Variants in RNF213 observed in about 807,000 individuals in gnomAD.
The protein encoded by RNF213 is E3 ubiquitin-protein ligase RNF213.
Under a neutral mutation model 514.4 loss-of-function variants are expected in RNF213, and 341 were observed. The observed-to-expected ratio is 0.66, with a 90% CI of 0.61 to 0.73. The LOEUF is 0.73. RNF213 is among the 30% of genes least tolerant of loss of function. The pLI, the probability that RNF213 is intolerant of heterozygous loss-of-function variation, is 0.00. For missense variants in RNF213, 5,767 were observed against 6,615.6 expected (o/e 0.87, Z 4.45); for synonymous variants, 2,655 against 2,658.2 (o/e 1.00, Z 0.04).
rs1242262670 is a variant in RNF213 at position 80,325,004 on chromosome 17, T to C, written c.3025-26T>C. 2.0e-6 allele frequency: 3 copies of C among 1,532,466 alleles called. No homozygotes were observed. In the East Asian group the frequency reaches 7.3e-5, roughly 37 times the overall value. The allele number at this position is 1,532,466 out of a possible 1,614,324, so 94.9% of individuals were successfully genotyped here. On this transcript the variant is annotated intron_variant, in intron 17 of 67. Coordinates refer to ENST00000582970, the MANE Select transcript of RNF213 (RefSeq NM_001256071.3). ...CAAACTAATGAAAAACTTCTAAATG[T>C]CCCTCTTTTATTAATTTTCTTGTAG...
chr17:80,385,614 G>C lies in RNF213; in HGVS notation c.14532G>C (p.Glu4844Asp), dbSNP rs777216612. Residue 4844 changes from glutamate (E) to aspartate (D), a missense_variant, in exon 61 of 68, where the codon GAG becomes GAC. Glu to Asp is a conservative substitution (Grantham distance 45). Coordinates refer to ENST00000582970, the MANE Select transcript of RNF213 (RefSeq NM_001256071.3). ...STWNKLRRSL[E>D]TNGEINLPKD... is the part of the protein sequence containing the mutation. Reference sequence around the variant, plus strand: ...GGAACAAACTGAGGAGATCGCTTGAGACGAACGGTTAGTATCCTGTCCCCT... The same window carrying C: ...GGAACAAACTGAGGAGATCGCTTGACACGAACGGTTAGTATCCTGTCCCCT... 1 of 1,614,056 alleles carries C rather than the reference G, an allele frequency of 6.2e-7. No homozygotes were observed. Among genetic ancestry groups the C allele is most frequent in the Non-Finnish European group, 8.5e-7 (1 of 1,179,914 alleles).
chr17:80,342,612 C>T (rs60430048), intron 26 of RNF213, among the ~76,000 whole-genome samples: 12,200 of 146,054 alleles, frequency 0.084, 1,154 homozygotes, highest in African/African-American at 0.24. Flanking sequence ...ATATTCGATA[C>T]ATATTCTATA....
rs776609772 is a variant in RNF213 at position 80,393,629 on chromosome 17, A to G, written c.*131A>G. 1,304 of 1,001,508 alleles carry G rather than the reference A, an allele frequency of 1.3e-3. 2 individuals carry two copies. The highest frequency in any genetic ancestry group is 1.7e-3 in the Non-Finnish European group (1,162 of 668,222). 62.0% of individuals were successfully genotyped at this position (1,001,508 alleles called of 1,614,324 possible). On this transcript the variant is annotated 3_prime_UTR_variant, in exon 68 of 68. Transcript: ENST00000582970. ...GAGCTGTCAGCGTAGCACCGAATTC[A>G]AGACCAAGGCGTGCTACCTGAGCTG...
intron 20 of RNF213, 101 bp downstream of exon 20, chr17:80,328,578 A>G (rs756499607): frequency 2.4e-6 from 3 of 1,270,564 alleles, no homozygotes; most frequent in Non-Finnish European, 3.1e-6. Flanking sequence ...TTTGGAGAGA[A>G]GGCTTTAAAA....
At chr17:80,280,665 C>T (rs1451671424) in intron 3 of RNF213, among the ~76,000 whole-genome samples, 1 of 152,042 alleles carries the variant, frequency 6.6e-6, no homozygotes, top group Non-Finnish European at 1.5e-5. Context: ...GTGTTACCCA[C>T]GCTGGTCTCA....
Position 80,290,615 on chromosome 17 carries a change from C to A in RNF213, c.1158C>A (p.Ile386=). The A allele has an allele frequency of 3.7e-6, 6 of 1,614,186 alleles. No homozygotes were observed. The highest frequency in any genetic ancestry group is 5.1e-6 in the Non-Finnish European group (6 of 1,180,040). Residue 386 remains isoleucine (I), a synonymous_variant, in exon 7 of 68, where the codon ATC becomes ATA. Transcript: ENST00000582970. ...GGGVTVFFHA[I]ISLHFPFNPD... Reference sequence around the variant, plus strand: ...GAGTCACCGTGTTCTTCCACGCCATCATCTCTCTTCATTTCCCATTCAATC... The same window carrying A: ...GAGTCACCGTGTTCTTCCACGCCATAATCTCTCTTCATTTCCCATTCAATC...
intron 56 of RNF213, 56 bp from the exon 57 acceptor site, chr17:80,381,491 C>A (rs1331924770): frequency 6.3e-7 from 1 of 1,588,042 alleles, no homozygotes; most frequent in African/African-American, 1.3e-5. Context: ...ACCAGGCTCA[C>A]CATCTTCTCT....
intron 54 of RNF213, among the ~76,000 whole-genome samples, chr17:80,379,108 C>T (rs2079880190): frequency 1.3e-5 from 2 of 151,530 alleles, no homozygotes; most frequent in South Asian, 4.1e-4. Context: ...AGGAGGATTG[C>T]TTGAGCCTGG....
Position 80,388,706 on chromosome 17 carries a change from T to C in RNF213, c.15000+17T>C, listed in dbSNP as rs748810404. ...ATGGCACAGGTGATCCCGATAAACCTGATCCTGTGCACGGGGCTTTCTGCC... is the reference window on the plus strand; with the variant it reads ...ATGGCACAGGTGATCCCGATAAACCCGATCCTGTGCACGGGGCTTTCTGCC... On this transcript the variant is annotated intron_variant, in intron 64 of 67. Transcript: ENST00000582970. The C allele has an allele frequency of 9.5e-6, 15 of 1,571,248 alleles. No individual in the cohort carries two copies. The highest frequency in any genetic ancestry group is 4.4e-5 in the South Asian group (4 of 90,124).
At chr17:80,267,980 C>T (rs1399870624) in intron 2 of RNF213, among the ~76,000 whole-genome samples, 8 of 151,810 alleles carry the variant, frequency 5.3e-5, no homozygotes, top group Non-Finnish European at 1.0e-4. Flanking sequence ...CCACCACTTC[C>T]GGCTAATATT....
At position 80,291,720 on chromosome 17, in the gene RNF213, A is replaced by G. The variant is rs750313723; in HGVS notation, c.1364A>G (p.Tyr455Cys). ...DKYIPYKYVIYNGESFEYEFI... is the reference protein window; with the variant it reads ...DKYIPYKYVICNGESFEYEFI... ...TACATTCCTTACAAGTACGTCATTT[A>G]TAATGGGGAATCTTTTGAGTATGAG... Residue 455 changes from tyrosine (Y) to cysteine (C), a missense_variant, in exon 8 of 68, where the codon TAT becomes TGT. By Grantham distance (194) the Tyr-to-Cys change is radical. Around this residue, in one of 13 missense-constraint regions of RNF213, gnomAD observed 592 missense variants for 673.9 expected, o/e 0.88. Transcript: ENST00000582970. 6.2e-7 allele frequency: 1 copy of G among 1,614,256 alleles called. No individual in the cohort carries two copies. Among genetic ancestry groups the G allele is most frequent in the South Asian group, 1.1e-5 (1 of 91,086 alleles).
At position 80,350,312 on chromosome 17, in the gene RNF213, C is replaced by T. The variant is rs1270923474; in HGVS notation, c.10100C>T (p.Thr3367Met). The T allele has an allele frequency of 5.6e-6, 9 of 1,603,564 alleles. No homozygotes were observed. Among genetic ancestry groups the T allele is most frequent in the Admixed American group, 3.3e-5 (2 of 59,988 alleles). ...SFLKEVRNCL[T>M]NTAKCKILIF... is the part of the protein sequence containing the mutation. ...CCCTTTTCTTTCAGAAACTGTTTAA[C>T]GAATACAGCCAAATGTAAAATCCTC... Residue 3367 changes from threonine to methionine, a missense_variant, in exon 31 of 68, where the codon ACG (threonine) becomes ATG (methionine). Around this residue, in one of 13 missense-constraint regions of RNF213, gnomAD observed 919 missense variants for 1,121.0 expected, o/e 0.82. Transcript: ENST00000582970.
At chr17:80,287,702 T>G (rs2044522663) in intron 3 of RNF213, 113 bp from the exon 4 acceptor site, 1 of 1,070,700 alleles carries the variant, frequency 9.3e-7, no homozygotes, top group African/African-American at 1.6e-5. Flanking sequence ...GTTAGGTACT[T>G]TGGTCGAGCC....
chr17:80,373,200 A>AC (rs776846724), intron 49 of RNF213, 35 bp downstream of exon 49: 56 of 1,585,518 alleles, frequency 3.5e-5, no homozygotes, highest in Non-Finnish European at 4.6e-5. Flanking sequence ...ACAAACATGC[A>AC]CCCCCACAGC....
At chr17:80,333,296 G>A (rs781197275) in intron 21 of RNF213, among the ~76,000 whole-genome samples, 9 of 150,486 alleles carry the variant, frequency 6.0e-5, no homozygotes, top group East Asian at 2.0e-4. Context: ...TCCTGACCTC[G>A]TGATCCACCC....
At chr17:80,260,958 G>T (rs2080255119) in intron 1 of RNF213, 56 bp downstream of exon 1, 1 of 151,006 alleles carries the variant, frequency 6.6e-6, no homozygotes, top group Admixed American at 6.6e-5. Context: ...GATACAGTGG[G>T]CCCCGCGGGC....
rs10782008 is a variant in RNF213 at position 80,332,071 on chromosome 17, G to A, written c.3583G>A (p.Val1195Met). 938,376 of 1,536,902 alleles carry A rather than the reference G, an allele frequency of 0.61. 291,521 individuals are homozygous for A. The highest frequency in any genetic ancestry group is 0.64 in the Non-Finnish European group (733,283 of 1,146,828). ...CAGCAGTAAAAGATTAAATGACACC[G>A]TGACAGTGAGACTGTCCACCTCCTC... is the stretch of plus-strand genomic sequence containing the variant. ...DLSSKRLNDTVTVRLSTSSNS... is the reference protein window; with the variant it reads ...DLSSKRLNDTMTVRLSTSSNS... The change falls in exon 21 of 68, where the codon GTG becomes ATG. Residue 1195 changes from valine (V) to methionine (M), a missense_variant. By Grantham distance (21) the Val-to-Met change is conservative. Coordinates refer to ENST00000582970, the MANE Select transcript of RNF213 (RefSeq NM_001256071.3).
intron 46 of RNF213, among the ~76,000 whole-genome samples, chr17:80,370,519 G>A (rs754814740): frequency 5.3e-5 from 8 of 152,160 alleles, no homozygotes; most frequent in Admixed American, 2.0e-4. Context: ...GGCCCCTCAC[G>A]TGAAGACACA....
chr17:80,357,517 G>A (rs928224679), intron 36 of RNF213, among the ~76,000 whole-genome samples: 5 of 152,024 alleles, frequency 3.3e-5, no homozygotes, highest in African/African-American at 7.3e-5. Flanking sequence ...TTTGATCTGG[G>A]ACAAATTCAT....
Sources: allele counts gnomAD v4.1 joint callset (sites outside exome capture counted in the v4.1 genomes callset), GRCh38; gene constraint gnomAD v4.1.1; regional missense constraint gnomAD v4.1.1; transcripts MANE v1.5; gene names NCBI Gene and HGNC (gene_info 2026-07-23, HGNC 2026-07-21).